Variants in PRKAR2B observed in about 807,000 individuals in gnomAD.
PRKAR2B encodes cAMP-dependent protein kinase type II-beta regulatory subunit.
Under a neutral mutation model 49.9 loss-of-function variants are expected in PRKAR2B, and 14 were observed. The ratio of observed to expected loss-of-function variants is 0.28; its 90% CI spans 0.19 to 0.44. The LOEUF is 0.44. PRKAR2B is among the 20% of genes least tolerant of loss of function. The pLI is 1.00. For missense variants in PRKAR2B, 393 were observed against 537.9 expected (o/e 0.73, Z 2.67); for synonymous variants, 196 against 197.7 (o/e 0.99, Z 0.07).
intron 3 of PRKAR2B, among the ~76,000 whole-genome samples, chr7:107,126,465 A>G (rs1014594387): frequency 1.3e-5 from 2 of 150,286 alleles, no homozygotes; most frequent in African/African-American, 4.9e-5. Flanking sequence ...TACGAGAGGT[A>G]GCAGGAAGAA....
At chr7:107,099,759 T>A (rs530346215) in intron 2 of PRKAR2B, among the ~76,000 whole-genome samples, 1 of 151,976 alleles carries the variant, frequency 6.6e-6, no homozygotes, top group Admixed American at 6.6e-5. Flanking sequence ...CTTAGCCTCC[T>A]GAGTAGCTGG....
At chr7:107,105,528 C>G (rs1312631867) in intron 2 of PRKAR2B, among the ~76,000 whole-genome samples, 1 of 152,192 alleles carries the variant, frequency 6.6e-6, no homozygotes, top group Admixed American at 6.5e-5. Flanking sequence ...AGAAATGGGT[C>G]AGCACTGAGA....
intron 4 of PRKAR2B, among the ~76,000 whole-genome samples, chr7:107,136,990 A>G (rs898406973): frequency 6.6e-6 from 1 of 152,204 alleles, no homozygotes; most frequent in Non-Finnish European, 1.5e-5. Context: ...TTATGAAAAG[A>G]CATGGAAGAC....
intron 1 of PRKAR2B, among the ~76,000 whole-genome samples, chr7:107,061,046 A>G (rs1279470356): frequency 6.6e-6 from 1 of 152,130 alleles, no homozygotes; most frequent in Non-Finnish European, 1.5e-5. Flanking sequence ...GTGAATGTAC[A>G]AATTTCCACA....
chr7:107,145,261 AC>A (rs1795869737), intron 5 of PRKAR2B, among the ~76,000 whole-genome samples: 2 of 152,214 alleles, frequency 1.3e-5, no homozygotes, highest in Non-Finnish European at 2.9e-5. Context: ...ACATAAACAA[AC>A]AAGAGTGTTT....
intron 1 of PRKAR2B, among the ~76,000 whole-genome samples, chr7:107,068,256 G>C (rs758369670): frequency 6.6e-6 from 1 of 152,072 alleles, no homozygotes; most frequent in Non-Finnish European, 1.5e-5. Context: ...TGGCTTCATC[G>C]TCTAAAGAGG....
chr7:107,148,708 A>T (rs2191918), intron 6 of PRKAR2B, among the ~76,000 whole-genome samples: 128,580 of 151,756 alleles, frequency 0.85, 54,679 homozygotes, highest in East Asian at 0.93. Context: ...GGTCTGCCTT[A>T]TAAATACAGG....
Position 107,161,729 on chromosome 7 carries a change from T to C in PRKAR2B, c.*2147T>C, listed in dbSNP as rs542326888. Reference sequence around the variant, plus strand: ...TAATTGTGGTGTGTTGCAGATTTATTTGGCCATTTAGAATAACCAAATCAA... The same window carrying C: ...TAATTGTGGTGTGTTGCAGATTTATCTGGCCATTTAGAATAACCAAATCAA... On this transcript the variant is annotated 3_prime_UTR_variant, in exon 11 of 11. Transcript: ENST00000265717. 1 of 152,248 alleles carries C rather than the reference T, an allele frequency of 6.6e-6. No individual in the cohort carries two copies. Among genetic ancestry groups the C allele is most frequent in the Non-Finnish European group, 1.5e-5 (1 of 68,040 alleles). The allele number at this position is 152,248 out of a possible 1,614,324, so 9.4% of individuals were successfully genotyped here.
At position 107,062,066 on chromosome 7, in the gene PRKAR2B, C is replaced by G. The variant is rs113293981; in HGVS notation, c.308-8215C>G. Among the ~76,000 whole-genome samples, 16 of 152,188 alleles carry G rather than the reference C, an allele frequency of 1.1e-4. 3 individuals are homozygous for G. The highest frequency in any genetic ancestry group is 3.9e-4 in the African/African-American group (16 of 41,498). ...ACATACCTTATGTTGGCTGGAACTC[C>G]TATATGGTCCTGGAGGGCATAAAGT... On this transcript the variant is annotated intron_variant, in intron 1 of 10. Coordinates refer to ENST00000265717, the MANE Select transcript of PRKAR2B (RefSeq NM_002736.3).
At chr7:107,133,033 G>C (rs1795630311) in intron 4 of PRKAR2B, among the ~76,000 whole-genome samples, 2 of 152,178 alleles carry the variant, frequency 1.3e-5, no homozygotes. Flanking sequence ...TTAATGAAGA[G>C]TAAATTGTTA....
chr7:107,137,696 G>C (rs952825008), intron 4 of PRKAR2B, among the ~76,000 whole-genome samples: 1 of 152,014 alleles, frequency 6.6e-6, no homozygotes, highest in African/African-American at 2.4e-5. Flanking sequence ...TTTCCCACAC[G>C]GTCTCCAACA....
At chr7:107,136,570 C>G (rs369998887) in intron 4 of PRKAR2B, among the ~76,000 whole-genome samples, 4 of 152,190 alleles carry the variant, frequency 2.6e-5, no homozygotes, top group African/African-American at 7.2e-5. Context: ...CTCCACATCA[C>G]ATGTCATCAG....
chr7:107,063,323 T>A (rs569476594), intron 1 of PRKAR2B, among the ~76,000 whole-genome samples: 20 of 152,260 alleles, frequency 1.3e-4, no homozygotes, highest in Admixed American at 5.2e-4. Context: ...CCACCCCTAT[T>A]ATATTATTTT....
At chr7:107,065,729 G>A (rs984387930) in intron 1 of PRKAR2B, among the ~76,000 whole-genome samples, 1 of 152,178 alleles carries the variant, frequency 6.6e-6, no homozygotes, top group Non-Finnish European at 1.5e-5. Flanking sequence ...TCCTTGCAGA[G>A]TTTATTGATG....
At chr7:107,052,707 C>G (rs1329176502) in intron 1 of PRKAR2B, among the ~76,000 whole-genome samples, 1 of 152,216 alleles carries the variant, frequency 6.6e-6, no homozygotes, top group Non-Finnish European at 1.5e-5. Context: ...AAGCTACCTA[C>G]TTTTCCCTCT....
At chr7:107,077,419 C>A (rs774877486) in intron 2 of PRKAR2B, 6 of 152,136 alleles carry the variant, frequency 3.9e-5, no homozygotes, top group Non-Finnish European at 7.4e-5. Context: ...TACAGTTTTT[C>A]CAGGGCCTGC....
intron 2 of PRKAR2B, among the ~76,000 whole-genome samples, chr7:107,104,388 C>T (rs1795034572): frequency 6.6e-6 from 1 of 152,148 alleles, no homozygotes; most frequent in Non-Finnish European, 1.5e-5. Flanking sequence ...GGCTGGAGTG[C>T]CAGAATGAAT....
intron 1 of PRKAR2B, among the ~76,000 whole-genome samples, chr7:107,053,681 G>A (rs1406962664): frequency 6.6e-6 from 1 of 152,038 alleles, no homozygotes; most frequent in African/African-American, 2.4e-5. Flanking sequence ...ACCTGAAGGG[G>A]AAAATCCAGG....
intron 5 of PRKAR2B, among the ~76,000 whole-genome samples, chr7:107,142,569 A>G (rs1426864012): frequency 2.0e-5 from 3 of 152,022 alleles, no homozygotes; most frequent in Admixed American, 1.3e-4. Flanking sequence ...GATCCTAGTC[A>G]CCCATTTGGT....
Sources: allele counts gnomAD v4.1 joint callset (sites outside exome capture counted in the v4.1 genomes callset), GRCh38; gene constraint gnomAD v4.1.1; transcripts MANE v1.5; gene names NCBI Gene and HGNC (gene_info 2026-07-23, HGNC 2026-07-21).